The following CWH43 variants were observed in gnomAD, a reference collection of about 807,000 sequenced individuals.
CWH43 encodes cell wall biogenesis 43 C-terminal homolog.
A neutral mutation model predicts 85.7 loss-of-function variants in CWH43; 91 were observed. That is an observed-to-expected ratio of 1.06 (90% confidence interval 0.90 to 1.26). The LOEUF (loss-of-function observed/expected upper bound fraction) is 1.26. Ranked by LOEUF, CWH43 falls within the 50% of genes most tolerant of loss-of-function variation. The pLI is 0.00. For missense variants in CWH43, 869 were observed against 839.2 expected (o/e 1.04, Z -0.44); for synonymous variants, 323 against 293.6 (o/e 1.10, Z -1.02).
intron 14 of CWH43, among the ~76,000 whole-genome samples, chr4:49,047,001 C>G (rs989172380): frequency 1.3e-5 from 2 of 152,160 alleles, no homozygotes; most frequent in African/African-American, 4.8e-5. Flanking sequence ...ACTGACTTCC[C>G]TGAGCCTTAG....
chr4:49,034,353 C>T (rs1287724881), intron 12 of CWH43, among the ~76,000 whole-genome samples: 1 of 152,140 alleles, frequency 6.6e-6, no homozygotes, highest in East Asian at 1.9e-4. Context: ...TTAACTCCTT[C>T]CCTTTTTTCC....
At chr4:49,025,187 T>A (rs191458986) in intron 9 of CWH43, among the ~76,000 whole-genome samples, 17 of 152,170 alleles carry the variant, frequency 1.1e-4, no homozygotes, top group Non-Finnish European at 8.8e-5. Context: ...AGCGTGTCCA[T>A]TTCTAGAAGT....
chr4:49,051,100 A>C (rs1478973811), intron 15 of CWH43, among the ~76,000 whole-genome samples: 1 of 152,164 alleles, frequency 6.6e-6, no homozygotes, highest in Non-Finnish European at 1.5e-5. Context: ...ATCATCATGA[A>C]CATCATCACC....
At chr4:49,060,075 G>C (rs1785098467) in intron 15 of CWH43, among the ~76,000 whole-genome samples, 1 of 152,142 alleles carries the variant, frequency 6.6e-6, no homozygotes, top group Non-Finnish European at 1.5e-5. Context: ...GGACTGGTCT[G>C]GAGCTCGGGT....
At chr4:49,027,515 A>AT (rs922750378) in intron 9 of CWH43, among the ~76,000 whole-genome samples, 3 of 151,940 alleles carry the variant, frequency 2.0e-5, no homozygotes, top group African/African-American at 7.3e-5. Flanking sequence ...CAGTCATTAG[A>AT]TTTTTTTCTG....
chr4:49,034,811 C>T (rs1379320632), intron 12 of CWH43, among the ~76,000 whole-genome samples: 5 of 152,146 alleles, frequency 3.3e-5, no homozygotes, highest in Non-Finnish European at 7.3e-5. Flanking sequence ...ATAGTCCTAC[C>T]TATTTCATGG....
intron 9 of CWH43, among the ~76,000 whole-genome samples, chr4:49,026,382 T>C (rs767390880): frequency 3.9e-5 from 6 of 152,214 alleles, no homozygotes; most frequent in Non-Finnish European, 7.3e-5. Context: ...CCCTTGGCTT[T>C]CTTGGCATGT....
chr4:49,046,307 ACCAT>A (rs1430282081), intron 14 of CWH43, among the ~76,000 whole-genome samples: 1 of 109,202 alleles, frequency 9.2e-6, no homozygotes, highest in Non-Finnish European at 2.2e-5. Context: ...AGAGGGACTA[ACCAT>A]TCATTCATTC....
Position 48,986,528 on chromosome 4 carries a change from C to T in CWH43, c.43+56C>T, listed in dbSNP as rs1371214104. On this transcript the variant is annotated intron_variant, in intron 1 of 15. Coordinates refer to ENST00000226432, the MANE Select transcript of CWH43 (RefSeq NM_025087.3). ...GGGTGCCAGCTCCCCGGGCCATGTC[C>T]AGAGCCGTGGAGCCAGGCCAGGTTG... 25 of 1,547,254 alleles carry T rather than the reference C, an allele frequency of 1.6e-5. 2 individuals are homozygous for T. In the Admixed American group the frequency reaches 4.0e-4, roughly 24 times the overall value.
chr4:49,002,996 T>TCCCAAGA (rs1783041946), intron 6 of CWH43, among the ~76,000 whole-genome samples: 1 of 152,016 alleles, frequency 6.6e-6, no homozygotes, highest in Non-Finnish European at 1.5e-5. Flanking sequence ...TGGAAAGGGG[T>TCCCAAGA]TATATTGATG....
Position 48,988,629 on chromosome 4 carries a change from A to T in CWH43, c.196A>T (p.Lys66Ter). 1 of 1,612,976 alleles carries T rather than the reference A, an allele frequency of 6.2e-7. No homozygotes were observed. The change falls in exon 2 of 16, where the codon AAG becomes TAG. Residue 66 changes from lysine to a stop codon, truncating the protein, a stop_gained. Coordinates refer to ENST00000226432, the MANE Select transcript of CWH43 (RefSeq NM_025087.3). LOFTEE classifies it high-confidence loss of function. ...TACTCCTTTCTGGAAATTGGTTAAC[A>T]AGAAGTGGATGCTAACCCTGCTGAG... ...TITPFWKLVNKKWMLTLLRII... is the reference protein window; with the variant it reads ...TITPFWKLVN
intron 13 of CWH43, 127 bp from the exon 14 acceptor site, chr4:49,044,659 A>G: frequency 1.5e-6 from 1 of 661,814 alleles, no homozygotes; most frequent in Non-Finnish European, 2.6e-6. Context: ...AAAGATCAGT[A>G]GGAGCCAGGA....
At chr4:49,035,218 A>G (rs1377516088) in intron 12 of CWH43, among the ~76,000 whole-genome samples, 2 of 152,242 alleles carry the variant, frequency 1.3e-5, no homozygotes, top group South Asian at 2.1e-4. Context: ...TCCAGTGATT[A>G]TGGCATATAA....
chr4:49,023,774 G>C (rs1404843263), intron 9 of CWH43, among the ~76,000 whole-genome samples: 1 of 152,128 alleles, frequency 6.6e-6, no homozygotes, highest in East Asian at 1.9e-4. Context: ...CTATCATATG[G>C]TCTATCTTGG....
chr4:49,014,049 A>C (rs1783452141), intron 8 of CWH43, among the ~76,000 whole-genome samples: 1 of 152,374 alleles, frequency 6.6e-6, no homozygotes, highest in Non-Finnish European at 1.5e-5. Context: ...TAGTGTAAAG[A>C]TATAAAAAAC....
chr4:49,010,291 T>C (rs1169594327), intron 8 of CWH43, among the ~76,000 whole-genome samples: 1 of 152,218 alleles, frequency 6.6e-6, no homozygotes, highest in African/African-American at 2.4e-5. Context: ...TCTCTGATGG[T>C]AGTTTGTATT....
At chr4:49,011,484 G>A (rs1471262317) in intron 8 of CWH43, among the ~76,000 whole-genome samples, 1 of 152,192 alleles carries the variant, frequency 6.6e-6, no homozygotes. Flanking sequence ...ATATTGTTAT[G>A]TGTGAATTTG....
At chr4:49,012,071 C>A (rs1410519333) in intron 8 of CWH43, among the ~76,000 whole-genome samples, 1 of 152,166 alleles carries the variant, frequency 6.6e-6, no homozygotes. Context: ...AGAGTGTTTT[C>A]CAACTTGGTT....
chr4:48,999,068 CCT>C (rs1215647234), intron 6 of CWH43, among the ~76,000 whole-genome samples: 1 of 152,000 alleles, frequency 6.6e-6, no homozygotes, highest in Non-Finnish European at 1.5e-5. Flanking sequence ...TCTTCCTGAT[CCT>C]CTCTCTCCTC....
Sources: allele counts gnomAD v4.1 joint callset (sites outside exome capture counted in the v4.1 genomes callset), GRCh38; gene constraint gnomAD v4.1.1; transcripts MANE v1.5; gene names NCBI Gene and HGNC (gene_info 2026-07-23, HGNC 2026-07-21).